The following SCP2 variants were observed in gnomAD, a reference collection of about 807,000 sequenced individuals.
SCP2 encodes SCP-2/3-oxoacyl-CoA thiolase.
A neutral mutation model predicts 71.4 loss-of-function variants in SCP2; 48 were observed. That is an observed-to-expected ratio of 0.67 (90% CI 0.53 to 0.86). The LOEUF is 0.86. Ranked by LOEUF, SCP2 falls within the 40% of genes least tolerant of loss-of-function variation. The probability of loss-of-function intolerance (pLI) is 0.00; values close to 1 mark genes in which losing one functional copy is unlikely to be tolerated. For synonymous variants in SCP2, 220 were observed against 218.1 expected (o/e 1.01, Z -0.08); for missense variants, 560 against 655.6 (o/e 0.85, Z 1.59).
chr1:52,984,756 C>T (rs765384527), intron 10 of SCP2, among the ~76,000 whole-genome samples: 26 of 151,318 alleles, frequency 1.7e-4, no homozygotes, highest in Non-Finnish European at 2.5e-4. Context: ...AGGCTGGTCT[C>T]GAACTCCTGA....
chr1:52,988,003 T>G (rs1291871366), intron 10 of SCP2, 26 bp from the exon 11 acceptor site: 11 of 1,112,904 alleles, frequency 9.9e-6, no homozygotes, highest in Admixed American at 1.7e-5. Context: ...TATTAATATT[T>G]GTGAATACTA....
At position 52,980,855 on chromosome 1, in the gene SCP2, C is replaced by T. The variant is rs140753873; in HGVS notation, c.973+312C>T. Among the ~76,000 whole-genome samples, 803 of 152,306 alleles carry T rather than the reference C, an allele frequency of 5.3e-3. 8 individuals carry two copies. Among genetic ancestry groups the T allele is most frequent in the African/African-American group, 0.019 (776 of 41,570 alleles). On this transcript the variant is annotated intron_variant, in intron 10 of 15. Transcript: ENST00000371514. ...CTTATTCTTTGCATGAGATTTTATT[C>T]ATTTGCTTTCAACCTATTTATGTTA...
intron 11 of SCP2, chr1:52,995,945 C>T (rs1040055996): frequency 9.6e-6 from 14 of 1,465,322 alleles, no homozygotes; most frequent in East Asian, 2.4e-5. Context: ...TGAACGACCT[C>T]GTCTCTGAGT....
At chr1:52,992,063 C>A (rs1267979430) in intron 11 of SCP2, among the ~76,000 whole-genome samples, 1 of 152,178 alleles carries the variant, frequency 6.6e-6, no homozygotes, top group African/African-American at 2.4e-5. Context: ...AAAGTGATTT[C>A]AGAGTCTCAT....
rs369597903 is a variant in SCP2 at position 52,927,453 on chromosome 1, T to A, written c.57T>A (p.Val19=). The change falls in exon 1 of 16, where the codon GTT becomes GTA. Residue 19 remains valine (V), a synonymous_variant. Transcript: ENST00000371514. ...ATLRRVFVVG[V]GMTKFVKPGA... The stretch of plus-strand genomic sequence containing the variant: ...TGCGCCGGGTGTTCGTGGTGGGGGT[T>A]GGCATGACCAAGGTAAACCGAGCAG... 49 of 1,600,912 alleles carry A rather than the reference T, an allele frequency of 3.1e-5. No homozygotes were observed. The highest frequency in any genetic ancestry group is 4.1e-5 in the Non-Finnish European group (48 of 1,174,554).
intron 4 of SCP2, among the ~76,000 whole-genome samples, chr1:52,951,427 CCTG>C (rs1369439603): frequency 1.4e-3 from 206 of 151,290 alleles, no homozygotes; most frequent in Middle Eastern, 3.4e-3. Flanking sequence ...GTAGTTAGAA[CCTG>C]TGTTTATACA....
intron 12 of SCP2, among the ~76,000 whole-genome samples, chr1:53,021,955 T>C (rs988060931): frequency 6.6e-5 from 10 of 152,222 alleles, no homozygotes; most frequent in African/African-American, 2.4e-4. Context: ...TCATCAACCA[T>C]TTTTTAAAAA....
In SCP2 at chr1:52,987,637, C is replaced by T. The variant is rs992919082; in HGVS notation, c.974-392C>T. ...TGTTTTTCCATATTTATTAAAAATA[C>T]TTATATAGTATATAGCAGTACAGAT... On this transcript the variant is annotated intron_variant, in intron 10 of 15. Transcript: ENST00000371514. Among the ~76,000 whole-genome samples the T allele has an allele frequency of 3.9e-5, 6 of 152,156 alleles. No homozygotes were observed. The South Asian group carries it at 8.3e-4, about 21-fold the overall frequency.
chr1:52,990,227 T>C (rs11206061), intron 11 of SCP2, among the ~76,000 whole-genome samples: 25,059 of 151,838 alleles, frequency 0.17, 4,566 homozygotes, highest in African/African-American at 0.46. Flanking sequence ...GAGGATTTGA[T>C]TTTTAGAGAA....
chr1:52,988,071 G>A lies in SCP2; in HGVS notation c.1016G>A (p.Gly339Glu), dbSNP rs767835971. Residue 339 changes from glycine to glutamate, a missense_variant, in exon 11 of 16, where the codon GGA becomes GAA. Around this residue, in one of 3 missense-constraint regions of SCP2, gnomAD observed 513 missense variants for 573.1 expected, o/e 0.90. Coordinates refer to ENST00000371514, the MANE Select transcript of SCP2 (RefSeq NM_002979.5). ...GTTGATAGAGGAGATAATACATATG[G>A]AGGAAAGTGGGTCATAAATCCTAGT... ...TLVDRGDNTYGGKWVINPSGG... is the reference protein window; with the variant it reads ...TLVDRGDNTYEGKWVINPSGG... 8 of 1,608,522 alleles carry A rather than the reference G, an allele frequency of 5.0e-6. No homozygotes were observed. Among genetic ancestry groups the A allele is most frequent in the Non-Finnish European group, 6.0e-6 (7 of 1,175,342 alleles).
chr1:53,004,538 C>T (rs1018818884), intron 11 of SCP2, among the ~76,000 whole-genome samples: 4 of 152,218 alleles, frequency 2.6e-5, no homozygotes, highest in Non-Finnish European at 4.4e-5. Flanking sequence ...CTGCCCCACT[C>T]TAACTGATCA....
At chr1:52,940,242 A>AAAAATAC (rs1356665708) in intron 1 of SCP2, 1 of 152,268 alleles carries the variant, frequency 6.6e-6, no homozygotes, top group African/African-American at 2.4e-5. Flanking sequence ...CATCTCTACA[A>AAAAATAC]AAAATACAAA....
chr1:52,961,381 C>A, intron 5 of SCP2, 122 bp from the exon 6 acceptor site: 2 of 1,008,006 alleles, frequency 2.0e-6, no homozygotes, highest in South Asian at 1.5e-5. Flanking sequence ...ATTTGATTCA[C>A]ATTGACAATT....
chr1:52,935,537 C>G (rs188085635), intron 1 of SCP2, among the ~76,000 whole-genome samples: 2 of 148,134 alleles, frequency 1.4e-5, no homozygotes, highest in Admixed American at 1.4e-4. Flanking sequence ...TTGCATTGAG[C>G]TGAGATTGTG....
At position 52,927,351 on chromosome 1, in the gene SCP2, C is replaced by G; in HGVS notation, c.-46C>G. ...TGGTGCAGTCTCCGCCTGTCAGTGC[C>G]GGCAGTCGTCCGCGGCGCCCGCCCC... On this transcript the variant is annotated 5_prime_UTR_variant, in exon 1 of 16. Coordinates refer to ENST00000371514, the MANE Select transcript of SCP2 (RefSeq NM_002979.5). The G allele has an allele frequency of 1.3e-6, 2 of 1,487,268 alleles. No homozygotes were observed. Among genetic ancestry groups the G allele is most frequent in the Non-Finnish European group, 1.8e-6 (2 of 1,089,356 alleles). 92.1% of individuals were successfully genotyped at this position (1,487,268 alleles called of 1,614,324 possible). A position where few individuals can be genotyped will look rare whatever the true frequency, so the allele number is the denominator to read the frequency against.
chr1:53,015,388 G>C (rs113808624), intron 12 of SCP2, among the ~76,000 whole-genome samples: 1 of 152,182 alleles, frequency 6.6e-6, no homozygotes, highest in Non-Finnish European at 1.5e-5. Flanking sequence ...CACTAAATGT[G>C]CTGATTGGAT....
chr1:52,966,664 TC>T (rs1656985502), intron 6 of SCP2, among the ~76,000 whole-genome samples: 1 of 150,546 alleles, frequency 6.6e-6, no homozygotes. Flanking sequence ...GGCAGGCAGA[TC>T]ACGAGGTCAG....
intron 13 of SCP2, among the ~76,000 whole-genome samples, chr1:53,036,232 G>C (rs1289001792): frequency 6.7e-6 from 1 of 149,674 alleles, no homozygotes; most frequent in Non-Finnish European, 1.5e-5. Flanking sequence ...AAAACAATAT[G>C]ATCCCATTTA....
chr1:52,970,536 T>G (rs1176076637), intron 6 of SCP2, among the ~76,000 whole-genome samples: 1 of 152,048 alleles, frequency 6.6e-6, no homozygotes, highest in Non-Finnish European at 1.5e-5. Context: ...CCTTTCATTT[T>G]GCTTTTTTTT....
Sources: gnomAD v4.1 joint callset for allele counts (sites outside exome capture counted in the v4.1 genomes callset) on GRCh38, gnomAD v4.1.1 for gene constraint, gnomAD v4.1.1 regional missense constraint, MANE v1.5 for transcripts, NCBI Gene and HGNC (gene_info 2026-07-23, HGNC 2026-07-21) for gene names.